The following FBXW7 variants were observed in gnomAD, a reference collection of about 807,000 sequenced individuals.
The protein encoded by FBXW7 is F-box and WD repeat domain containing 7, also known as F-box/WD repeat-containing protein 7.
FBXW7 carries 11 observed loss-of-function variants against 86.3 expected under a neutral mutation model. The observed-to-expected ratio is 0.13, with a 90% CI of 0.08 to 0.21. The LOEUF is 0.21. Ranked by LOEUF, FBXW7 falls within the 10% of genes least tolerant of loss-of-function variation. The pLI, the probability that FBXW7 is intolerant of heterozygous loss-of-function variation, is 1.00. For synonymous variants in FBXW7, 313 were observed against 297.9 expected (o/e 1.05, Z -0.52); for missense variants, 488 against 847.4 (o/e 0.58, Z 5.27).
chr4:152,521,385 T>C (rs1560996508), intron 2 of FBXW7, among the ~76,000 whole-genome samples: 1 of 152,084 alleles, frequency 6.6e-6, no homozygotes, highest in Non-Finnish European at 1.5e-5. Context: ...CAGCAAGGTG[T>C]AGAGACAAAT....
rs147363747 is a variant in FBXW7, at chr4:152,488,218, T to C, written c.-120+46723A>G. On this transcript the variant is annotated intron_variant, in intron 2 of 13. Coordinates refer to ENST00000281708, the MANE Select transcript of FBXW7 (RefSeq NM_001349798.2). Reference sequence around the variant, plus strand: ...TCAATTAATAGGTCTATAAAAAACCTACTGTTATAAGACTGGTGCATAAAA... The same window carrying C: ...TCAATTAATAGGTCTATAAAAAACCCACTGTTATAAGACTGGTGCATAAAA... 8.9e-3 allele frequency among the ~76,000 whole-genome samples: 1,349 copies of C among 152,174 alleles called. 18 individuals are homozygous for C. The highest frequency in any genetic ancestry group is 0.043 in the East Asian group (221 of 5,188).
chr4:152,393,899 T>C (rs1402947670), intron 4 of FBXW7, among the ~76,000 whole-genome samples: 2 of 152,118 alleles, frequency 1.3e-5, no homozygotes, highest in South Asian at 2.1e-4. Context: ...GGGGGAAAGA[T>C]ACAAAAAAAT....
At chr4:152,427,349 C>G (rs373876481) in intron 2 of FBXW7, among the ~76,000 whole-genome samples, 25 of 152,264 alleles carry the variant, frequency 1.6e-4, no homozygotes, top group East Asian at 1.2e-3. Flanking sequence ...GATCAATGGC[C>G]GTGCATTGAG....
Position 152,391,297 on chromosome 4 carries a change from C to T in FBXW7, c.501+20006G>A, listed in dbSNP as rs17028873. Among the ~76,000 whole-genome samples the T allele has an allele frequency of 7.0e-3, 1,066 of 152,086 alleles. 7 individuals carry two copies. The highest frequency in any genetic ancestry group is 0.025 in the African/African-American group (1,025 of 41,480). On this transcript the variant is annotated intron_variant, in intron 4 of 13. Coordinates refer to ENST00000281708, the MANE Select transcript of FBXW7 (RefSeq NM_001349798.2). The stretch of plus-strand genomic sequence containing the variant: ...ACGGGCTGACAGTTGATACCACTGG[C>T]CTTTTACGCTGTCAATATTACATAC...
intron 6 of FBXW7, among the ~76,000 whole-genome samples, chr4:152,345,608 C>T (rs542879027): frequency 5.9e-5 from 9 of 152,050 alleles, no homozygotes; most frequent in East Asian, 3.9e-4. Context: ...TGTCTCAACG[C>T]GGGGAAAAAC....
chr4:152,462,238 T>G (rs1743016870), intron 2 of FBXW7, among the ~76,000 whole-genome samples: 2 of 152,196 alleles, frequency 1.3e-5, no homozygotes, highest in African/African-American at 4.8e-5. Flanking sequence ...TCCCTAAATT[T>G]TAACTCTTCT....
chr4:152,427,156 CAGAG>C (rs1226038748), intron 2 of FBXW7, among the ~76,000 whole-genome samples: 2 of 152,062 alleles, frequency 1.3e-5, no homozygotes, highest in African/African-American at 2.4e-5. Flanking sequence ...GTGTAGCAAA[CAGAG>C]AGGCCATACC....
chr4:152,426,216 T>C (rs1213385257), intron 2 of FBXW7, among the ~76,000 whole-genome samples: 1 of 152,100 alleles, frequency 6.6e-6, no homozygotes, highest in East Asian at 1.9e-4. Context: ...GAGAGATGTA[T>C]GACTAAATAA....
chr4:152,446,520 A>G (rs1217736958), intron 2 of FBXW7, among the ~76,000 whole-genome samples: 1 of 152,224 alleles, frequency 6.6e-6, no homozygotes, highest in Non-Finnish European at 1.5e-5. Flanking sequence ...AAATGTTCAT[A>G]CATAATTTGA....
At chr4:152,442,520 A>G (rs1385769489) in intron 2 of FBXW7, among the ~76,000 whole-genome samples, 4 of 152,228 alleles carry the variant, frequency 2.6e-5, no homozygotes, top group Non-Finnish European at 4.4e-5. Flanking sequence ...TTAGGACTGT[A>G]AACTCCAAGG....
At chr4:152,388,935 C>G (rs1468942482) in intron 4 of FBXW7, among the ~76,000 whole-genome samples, 1 of 151,850 alleles carries the variant, frequency 6.6e-6, no homozygotes, top group African/African-American at 2.4e-5. Flanking sequence ...AACTCAACAA[C>G]AAAAACCAAA....
At chr4:152,421,032 C>T (rs527536850) in intron 2 of FBXW7, among the ~76,000 whole-genome samples, 6 of 152,278 alleles carry the variant, frequency 3.9e-5, no homozygotes, top group African/African-American at 7.2e-5. Flanking sequence ...GTTTCATCTA[C>T]ATTGAAAATC....
chr4:152,506,514 C>T (rs1747444382), intron 2 of FBXW7, among the ~76,000 whole-genome samples: 1 of 152,210 alleles, frequency 6.6e-6, no homozygotes, highest in Non-Finnish European at 1.5e-5. Context: ...AGGTACAGCA[C>T]TAAGACTTCA....
At chr4:152,486,197 G>A (rs1460246447) in intron 2 of FBXW7, among the ~76,000 whole-genome samples, 2 of 152,148 alleles carry the variant, frequency 1.3e-5, no homozygotes, top group Non-Finnish European at 2.9e-5. Context: ...CTCTGGGTGA[G>A]TTAATGATTG....
At chr4:152,441,220 GGTT>G in intron 2 of FBXW7, among the ~76,000 whole-genome samples, 1 of 152,164 alleles carries the variant, frequency 6.6e-6, no homozygotes, top group South Asian at 2.1e-4. Context: ...CAATCTCAAA[GGTT>G]TTGTTTCTTT....
chr4:152,352,659 C>A (rs2126663526), intron 4 of FBXW7: 1 of 1,613,820 alleles, frequency 6.2e-7, no homozygotes, highest in Non-Finnish European at 8.5e-7. Flanking sequence ...GATTAGGGAG[C>A]AGAACCGGCA....
rs1741340475 is a variant in FBXW7, at chr4:152,445,921, A to C, written c.-119-33392T>G. ...CAAGACTCTGTCTTTAAAAAAAAAA[A>C]AAAAAAAAAAAAAAAAAAAAACCAA... On this transcript the variant is annotated intron_variant, in intron 2 of 13. Transcript: ENST00000281708. Among the ~76,000 whole-genome samples the C allele has an allele frequency of 2.8e-4, 16 of 58,010 alleles. No individual in the cohort carries two copies. The South Asian group carries it at 8.7e-3, about 31-fold the overall frequency. The allele number at this position is 58,010 out of a possible 152,430, so 38.1% of individuals were successfully genotyped here.
intron 2 of FBXW7, among the ~76,000 whole-genome samples, chr4:152,435,088 G>A (rs1162202635): frequency 1.3e-5 from 2 of 149,848 alleles, no homozygotes; most frequent in Admixed American, 6.6e-5. Context: ...GGAGGGGAGG[G>A]GAGGGGAGGG....
Position 152,536,042 on chromosome 4 carries a change from AGCTCGCTGTCTCCCTCGCTCTGT to A in FBXW7, c.-1151_-1129del, listed in dbSNP as rs1750541235. 1 of 209,882 alleles carries A rather than the reference AGCTCGCTGTCTCCCTCGCTCTGT, an allele frequency of 4.8e-6. No individual in the cohort carries two copies. The highest frequency in any genetic ancestry group is 2.3e-5 in the African/African-American group (1 of 42,594). The allele number at this position is 209,882 out of a possible 1,614,324, so 13.0% of individuals were successfully genotyped here. On this transcript the variant is annotated 5_prime_UTR_variant, in exon 1 of 14. Coordinates refer to ENST00000281708, the MANE Select transcript of FBXW7 (RefSeq NM_001349798.2). Reference sequence around the variant, plus strand: ...GCGGCAGCGGCAGCGCCCGGAGCTCAGCTCGCTGTCTCCCTCGCTCTGTGCGGGGCTCTCGCCTCACTCCAGAG... The same window carrying A: ...GCGGCAGCGGCAGCGCCCGGAGCTCAGCGGGGCTCTCGCCTCACTCCAGAG...
Sources: allele counts gnomAD v4.1 joint callset (sites outside exome capture counted in the v4.1 genomes callset), GRCh38; gene constraint gnomAD v4.1.1; transcripts MANE v1.5; gene names NCBI Gene and HGNC (gene_info 2026-07-23, HGNC 2026-07-21).